The following IMMT variants were observed in gnomAD, a reference collection of about 807,000 sequenced individuals.
The protein encoded by IMMT is inner membrane mitochondrial protein.
In IMMT, 40 loss-of-function variants were observed where a neutral mutation model predicts 92.7. That is an observed-to-expected ratio of 0.43 (90% confidence interval 0.34 to 0.56). The LOEUF is 0.56. Among genes scored for constraint, IMMT ranks in the 20% least tolerant of loss-of-function variants. The pLI is 0.03. For synonymous variants in IMMT, 322 were observed against 336.1 expected (o/e 0.96, Z 0.46); for missense variants, 831 against 912.1 (o/e 0.91, Z 1.14).
intron 12 of IMMT, 51 bp downstream of exon 12, chr2:86,151,246 A>T: frequency 7.0e-7 from 1 of 1,430,394 alleles, no homozygotes; most frequent in South Asian, 1.2e-5. Context: ...CAAGTAAACA[A>T]TCAAGTTAGA....
At chr2:86,193,876 T>C (rs748554572) in intron 1 of IMMT, among the ~76,000 whole-genome samples, 1 of 152,224 alleles carries the variant, frequency 6.6e-6, no homozygotes, top group Non-Finnish European at 1.5e-5. Flanking sequence ...TCCCAAAAAG[T>C]TGACTCTGAA....
chr2:86,174,946 A>G (rs1419657987), intron 3 of IMMT, among the ~76,000 whole-genome samples: 1 of 152,186 alleles, frequency 6.6e-6, no homozygotes, highest in Non-Finnish European at 1.5e-5. Context: ...AAAGCACCGT[A>G]GTGTAATATC....
chr2:86,188,234 C>T (rs1260726144), intron 1 of IMMT, among the ~76,000 whole-genome samples: 1 of 151,826 alleles, frequency 6.6e-6, no homozygotes, highest in East Asian at 2.0e-4. Context: ...TTATTATAAC[C>T]ATCTTAGTGG....
chr2:86,154,904 C>T (rs372386030), intron 10 of IMMT, among the ~76,000 whole-genome samples: 27 of 152,204 alleles, frequency 1.8e-4, no homozygotes, highest in African/African-American at 4.8e-4. Flanking sequence ...CTCCCGTTGC[C>T]CAGGCTGGAG....
chr2:86,154,925 C>T (rs903471950), intron 10 of IMMT, among the ~76,000 whole-genome samples: 3 of 152,072 alleles, frequency 2.0e-5, no homozygotes, highest in Admixed American at 6.5e-5. Flanking sequence ...TGTAGCAGCA[C>T]GATCTCGGCT....
At chr2:86,157,030 C>T (rs1182761210) in intron 10 of IMMT, among the ~76,000 whole-genome samples, 1 of 152,102 alleles carries the variant, frequency 6.6e-6, no homozygotes, top group African/African-American at 2.4e-5. Flanking sequence ...ACAGACAACC[C>T]CTTGAGAAAT....
At chr2:86,147,859 T>C in intron 12 of IMMT, 26 bp from the exon 13 acceptor site, 1 of 1,607,616 alleles carries the variant, frequency 6.2e-7, no homozygotes, top group Non-Finnish European at 8.5e-7. Flanking sequence ...TAGTAGTTAT[T>C]AGTTTTCAAT....
At chr2:86,152,440 CAAAAAAAAAA>C (rs772186185) in intron 11 of IMMT, among the ~76,000 whole-genome samples, 1 of 76,860 alleles carries the variant, frequency 1.3e-5, no homozygotes, top group Non-Finnish European at 2.4e-5. Flanking sequence ...GACTCCATCT[CAAAAAAAAAA>C]AAAAAAAAGA....
In IMMT at chr2:86,167,770, C is replaced by T. The variant is rs139448897; in HGVS notation, c.656-1126G>A. Among the ~76,000 whole-genome samples the T allele has an allele frequency of 1.5e-3, 236 of 152,304 alleles. 1 individual carries two copies. The highest frequency in any genetic ancestry group is 5.0e-3 in the African/African-American group (209 of 41,562). On this transcript the variant is annotated intron_variant, in intron 6 of 14. Coordinates refer to ENST00000410111, the MANE Select transcript of IMMT (RefSeq NM_006839.3). ...GTGCTGGGATTACAGGCGTGAGCCA[C>T]CGTGCCCAGCCTACTTTTTCTTTTC... is the stretch of plus-strand genomic sequence containing the variant.
At chr2:86,168,150 T>C (rs1424516) in intron 6 of IMMT, among the ~76,000 whole-genome samples, 134,272 of 152,254 alleles carry the variant, frequency 0.88, 59,516 homozygotes, top group East Asian at 0.98. Flanking sequence ...TGTTCTTCCA[T>C]AAAAGGACTC....
At chr2:86,150,637 TAAC>T (rs1675398838) in intron 12 of IMMT, among the ~76,000 whole-genome samples, 1 of 152,066 alleles carries the variant, frequency 6.6e-6, no homozygotes, top group Admixed American at 6.6e-5. Flanking sequence ...ACCAACCACT[TAAC>T]AACAATAGCA....
intron 3 of IMMT, among the ~76,000 whole-genome samples, chr2:86,178,987 G>A (rs557303290): frequency 6.6e-6 from 1 of 152,112 alleles, no homozygotes; most frequent in South Asian, 2.1e-4. Flanking sequence ...GCTTGAACCC[G>A]GAGGCGGAGG....
intron 4 of IMMT, chr2:86,171,565 GA>G (rs1677085440): frequency 2.0e-6 from 1 of 506,450 alleles, no homozygotes; most frequent in Non-Finnish European, 3.6e-6. Context: ...ACAAAAGAAA[GA>G]AGTCTTGTCT....
At chr2:86,154,772 A>G (rs962606964) in intron 10 of IMMT, among the ~76,000 whole-genome samples, 2 of 152,204 alleles carry the variant, frequency 1.3e-5, no homozygotes, top group Non-Finnish European at 2.9e-5. Context: ...CACAAGTATC[A>G]CAAGTACCCA....
At chr2:86,163,351 T>G (rs1342173972) in intron 7 of IMMT, among the ~76,000 whole-genome samples, 1 of 151,970 alleles carries the variant, frequency 6.6e-6, no homozygotes, top group East Asian at 1.9e-4. Flanking sequence ...ATAAACAAGA[T>G]CTAGTGGTAG....
intron 1 of IMMT, among the ~76,000 whole-genome samples, chr2:86,190,491 G>T (rs1022896144): frequency 2.0e-5 from 3 of 152,184 alleles, no homozygotes; most frequent in African/African-American, 7.2e-5. Flanking sequence ...AGGCTAGGCG[G>T]AAAGCCCATG....
rs1272353700 is a variant in IMMT at position 86,144,521 on chromosome 2, T to A, written c.2024A>T (p.Lys675Met). ...CTCAGGGCAGAGCTCTGGGGGCGGC[T>A]TCAGTTGCTGAGGTGGGAATAGGAG... Reference protein sequence around the residue: ...SLLLFPPQQLKPPPELCPEDI... With the variant: ...SLLLFPPQQLMPPPELCPEDI... Residue 675 changes from lysine to methionine, a missense_variant, in exon 15 of 15, where the codon AAG (lysine) becomes ATG (methionine). Lys to Met is a moderately conservative substitution (Grantham distance 95). Coordinates refer to ENST00000410111, the MANE Select transcript of IMMT (RefSeq NM_006839.3). 6.2e-7 allele frequency: 1 copy of A among 1,614,024 alleles called. No individual in the cohort carries two copies. Among genetic ancestry groups the A allele is most frequent in the East Asian group, 2.2e-5 (1 of 44,880 alleles).
rs577661970 is a variant in IMMT at position 86,179,345 on chromosome 2, C to T, written c.309+88G>A. Reference sequence around the variant, plus strand: ...GTCCTGAACCTCTCCTTCAAGAATACCAAAAGACAACTGTATTTTCAACAT... The same window carrying T: ...GTCCTGAACCTCTCCTTCAAGAATATCAAAAGACAACTGTATTTTCAACAT... On this transcript the variant is annotated intron_variant, in intron 3 of 14. Coordinates refer to ENST00000410111, the MANE Select transcript of IMMT (RefSeq NM_006839.3). 7 of 1,136,720 alleles carry T rather than the reference C, an allele frequency of 6.2e-6. No individual in the cohort carries two copies. The African/African-American group carries it at 1.1e-4, about 18-fold the overall frequency. 70.4% of individuals were successfully genotyped at this position (1,136,720 alleles called of 1,614,324 possible).
At position 86,144,418 on chromosome 2, in the gene IMMT, A is replaced by G. The variant is rs779781869; in HGVS notation, c.2127T>C (p.Phe709=). 5.6e-6 allele frequency: 9 copies of G among 1,613,836 alleles called. No individual in the cohort carries two copies. In the African/African-American group the frequency reaches 1.1e-4, roughly 19 times the overall value. ...TGGATTCCCCCTTCAGCTGATTGAC[A>G]AACTTTGCTGCTAGCTCCAGATCAC... is the stretch of plus-strand genomic sequence containing the variant. ...EHGDLELAAK[F]VNQLKGESRR... The change falls in exon 15 of 15, where the codon TTT becomes TTC. Residue 709 remains phenylalanine (F), a synonymous_variant. Transcript: ENST00000410111.
Sources: gnomAD v4.1 joint callset for allele counts (sites outside exome capture counted in the v4.1 genomes callset) on GRCh38, gnomAD v4.1.1 for gene constraint, MANE v1.5 for transcripts, NCBI Gene and HGNC (gene_info 2026-07-23, HGNC 2026-07-21) for gene names.